KLHL2: variants seen among roughly 807,000 people sequenced by gnomAD.
The protein encoded by KLHL2 is kelch like family member 2.
KLHL2 carries 15 observed loss-of-function variants against 75.8 expected under a neutral mutation model. The ratio of observed to expected loss-of-function variants is 0.20; its 90% CI spans 0.13 to 0.30. The LOEUF is 0.30. Among genes scored for constraint, KLHL2 ranks in the 10% least tolerant of loss-of-function variants. KLHL2 has a pLI of 1.00. For synonymous variants in KLHL2, 214 were observed against 251.9 expected (o/e 0.85, Z 1.42); for missense variants, 381 against 741.0 (o/e 0.51, Z 5.64).
At chr4:165,264,753 TATATATATATATA>T (rs1560784300) in intron 5 of KLHL2, among the ~76,000 whole-genome samples, 4 of 81,650 alleles carry the variant, frequency 4.9e-5, no homozygotes, top group South Asian at 3.5e-4. Flanking sequence ...TATATATATA[TATATATATATATA>T]AAACATTATC....
intron 4 of KLHL2, among the ~76,000 whole-genome samples, chr4:165,251,964 C>T (rs551685228): frequency 6.6e-6 from 1 of 152,076 alleles, no homozygotes; most frequent in African/African-American, 2.4e-5. Context: ...ACTCTAGAAG[C>T]GTTAGTAATT....
intron 5 of KLHL2, among the ~76,000 whole-genome samples, chr4:165,263,802 A>ATTTTTTTTTTTTTTTTTTTTTTTTTTTTT (rs1313576886): frequency 1.1e-5 from 1 of 93,532 alleles, no homozygotes. Context: ...GATTTTTTAC[A>ATTTTTTTTTTTTTTTTTTTTTTTTTTTTT]TTGTTTTTTT....
chr4:165,280,048 A>C (rs1356305559), intron 5 of KLHL2, among the ~76,000 whole-genome samples: 1 of 152,084 alleles, frequency 6.6e-6, no homozygotes, highest in Non-Finnish European at 1.5e-5. Flanking sequence ...TGGGGTCCCT[A>C]CCTTGGTTCG....
chr4:165,215,928 G>A (rs947277352), intron 1 of KLHL2, among the ~76,000 whole-genome samples: 1 of 152,122 alleles, frequency 6.6e-6, no homozygotes, highest in African/African-American at 2.4e-5. Flanking sequence ...AAAAGGGCTT[G>A]TGTGACTCTT....
intron 1 of KLHL2, among the ~76,000 whole-genome samples, chr4:165,218,144 T>C (rs1038172437): frequency 1.3e-5 from 2 of 152,220 alleles, no homozygotes; most frequent in African/African-American, 4.8e-5. Flanking sequence ...TCCTGCTAAA[T>C]AGTTGCCCCC....
chr4:165,292,884 T>C (rs577043380), intron 5 of KLHL2, among the ~76,000 whole-genome samples: 1 of 152,308 alleles, frequency 6.6e-6, no homozygotes, highest in South Asian at 2.1e-4. Flanking sequence ...AAATTTTACT[T>C]TAGAATTTAT....
chr4:165,248,166 G>A (rs1237038645), intron 4 of KLHL2, among the ~76,000 whole-genome samples: 3 of 152,220 alleles, frequency 2.0e-5, no homozygotes, highest in African/African-American at 4.8e-5. Context: ...GACTACATGA[G>A]TGGGTAGTTG....
chr4:165,246,914 C>T (rs1740308487), intron 4 of KLHL2, among the ~76,000 whole-genome samples: 2 of 151,882 alleles, frequency 1.3e-5, no homozygotes, highest in Non-Finnish European at 2.9e-5. Context: ...AGCAAGCAAG[C>T]CAAAGACATA....
chr4:165,315,403 G>C (rs576265034), intron 13 of KLHL2, among the ~76,000 whole-genome samples: 1 of 152,130 alleles, frequency 6.6e-6, no homozygotes, highest in Admixed American at 6.5e-5. Flanking sequence ...GGAAAAAGAC[G>C]TAAGTCTCTG....
chr4:165,273,713 A>G (rs551071803), intron 5 of KLHL2, among the ~76,000 whole-genome samples: 1 of 152,204 alleles, frequency 6.6e-6, no homozygotes, highest in Non-Finnish European at 1.5e-5. Flanking sequence ...ATGTGGAACT[A>G]TAAGTCCATT....
Position 165,263,190 on chromosome 4 carries a change from G to A in KLHL2, c.382-7G>A. 1 of 1,613,320 alleles carries A rather than the reference G, an allele frequency of 6.2e-7. No individual in the cohort carries two copies. Among genetic ancestry groups the A allele is most frequent in the Non-Finnish European group, 8.5e-7 (1 of 1,179,452 alleles). On this transcript the variant is annotated splice_polypyrimidine_tract_variant and splice_region_variant and intron_variant, in intron 4 of 14. Coordinates refer to ENST00000226725, the MANE Select transcript of KLHL2 (RefSeq NM_007246.4). ...AGTGCCTAAGAATATTGATGTGTGTGTTGCAGGTACTTCTCCCAGCAGCTG... is the reference window on the plus strand; with the variant it reads ...AGTGCCTAAGAATATTGATGTGTGTATTGCAGGTACTTCTCCCAGCAGCTG...
intron 4 of KLHL2, among the ~76,000 whole-genome samples, chr4:165,243,198 G>T (rs1314100581): frequency 1.3e-5 from 2 of 152,158 alleles, no homozygotes; most frequent in Non-Finnish European, 2.9e-5. Context: ...AAAGGATCTT[G>T]AACTTCTTAA....
At chr4:165,283,864 G>T (rs1423062327) in intron 5 of KLHL2, among the ~76,000 whole-genome samples, 1 of 152,192 alleles carries the variant, frequency 6.6e-6, no homozygotes, top group Non-Finnish European at 1.5e-5. Context: ...TGAAATCGAG[G>T]TGGAGGTTAC....
At chr4:165,294,218 T>G in intron 5 of KLHL2, 141 bp from the exon 6 acceptor site, 1 of 568,636 alleles carries the variant, frequency 1.8e-6, no homozygotes, top group African/African-American at 1.9e-5. Context: ...GGGTTTGTCT[T>G]GTTAGTTCTT....
chr4:165,273,381 G>A (rs970140746), intron 5 of KLHL2, among the ~76,000 whole-genome samples: 1 of 152,172 alleles, frequency 6.6e-6, no homozygotes, highest in Non-Finnish European at 1.5e-5. Flanking sequence ...TATCTTTGGT[G>A]TATTGATAAC....
At chr4:165,279,589 G>A (rs2126407725) in intron 5 of KLHL2, 1 of 1,606,340 alleles carries the variant, frequency 6.2e-7, no homozygotes, top group Middle Eastern at 1.7e-4. Flanking sequence ...TGGAACTGGT[G>A]CCTTGGTCCA....
intron 1 of KLHL2, among the ~76,000 whole-genome samples, chr4:165,212,098 C>T (rs1174562597): frequency 6.6e-6 from 1 of 152,050 alleles, no homozygotes; most frequent in African/African-American, 2.4e-5. Flanking sequence ...AATGCATTTA[C>T]TCTTTATGAT....
chr4:165,245,654 C>T (rs1229751488), intron 4 of KLHL2, among the ~76,000 whole-genome samples: 1 of 152,134 alleles, frequency 6.6e-6, no homozygotes, highest in Admixed American at 6.5e-5. Flanking sequence ...TAACGCCAGA[C>T]TGTAAACACT....
intron 11 of KLHL2, among the ~76,000 whole-genome samples, chr4:165,312,776 T>C (rs1746303766): frequency 6.6e-6 from 1 of 152,238 alleles, no homozygotes; most frequent in South Asian, 2.1e-4. Context: ...AGGGTGATGT[T>C]TTCAAGATTT....
Sources: gnomAD v4.1 joint callset for allele counts (sites outside exome capture counted in the v4.1 genomes callset) on GRCh38, gnomAD v4.1.1 for gene constraint, MANE v1.5 for transcripts, NCBI Gene and HGNC (gene_info 2026-07-23, HGNC 2026-07-21) for gene names.